The following CDH12 variants were observed in gnomAD, a reference collection of about 807,000 sequenced individuals.
The protein encoded by CDH12 is cadherin 12, also known as cadherin-12.
CDH12 carries 41 observed loss-of-function variants against 74.1 expected under a neutral mutation model. That is an observed-to-expected ratio of 0.55 (90% CI 0.43 to 0.72). The LOEUF (loss-of-function observed/expected upper bound fraction) is 0.72. Ranked by LOEUF, CDH12 falls within the 30% of genes least tolerant of loss-of-function variation. CDH12 has a pLI of 0.00. For missense variants in CDH12, 945 were observed against 977.2 expected (o/e 0.97, Z 0.44); for synonymous variants, 399 against 355.0 (o/e 1.12, Z -1.39).
intron 1 of CDH12, among the ~76,000 whole-genome samples, chr5:22,780,816 A>G (rs1244157406): frequency 6.6e-6 from 1 of 152,168 alleles, no homozygotes; most frequent in African/African-American, 2.4e-5. Context: ...ATATTTATTT[A>G]TGACTTTTAT....
chr5:22,296,666 C>G (rs1294349272), intron 3 of CDH12, among the ~76,000 whole-genome samples: 1 of 152,112 alleles, frequency 6.6e-6, no homozygotes, highest in African/African-American at 2.4e-5. Flanking sequence ...TTCAAATATA[C>G]ATGCTATCTA....
intron 6 of CDH12, among the ~76,000 whole-genome samples, chr5:21,950,708 TA>T (rs1174288165): frequency 4.0e-5 from 6 of 150,204 alleles, no homozygotes; most frequent in Non-Finnish European, 5.9e-5. Flanking sequence ...TAAAATAATT[TA>T]AAAATGCAAG....
chr5:22,423,084 G>A (rs930965958), intron 2 of CDH12, among the ~76,000 whole-genome samples: 1 of 151,674 alleles, frequency 6.6e-6, no homozygotes, highest in Non-Finnish European at 1.5e-5. Context: ...AGTAAAACTG[G>A]TTTTCTTCCC....
intron 6 of CDH12, chr5:21,883,868 T>A (rs537772855): frequency 6.2e-7 from 1 of 1,607,498 alleles, no homozygotes; most frequent in Non-Finnish European, 8.5e-7. Flanking sequence ...ATGCCCTTAA[T>A]GCTACAAGAG....
At chr5:22,727,514 G>T (rs940457340) in intron 1 of CDH12, among the ~76,000 whole-genome samples, 1 of 151,330 alleles carries the variant, frequency 6.6e-6, no homozygotes, top group Admixed American at 6.6e-5. Context: ...TGACATTGTT[G>T]TTTATATAGT....
intron 2 of CDH12, among the ~76,000 whole-genome samples, chr5:22,408,609 A>T (rs1743040361): frequency 6.7e-6 from 1 of 150,174 alleles, no homozygotes; most frequent in Admixed American, 6.7e-5. Flanking sequence ...CATTATATGT[A>T]ATTGTAAATT....
intron 7 of CDH12, among the ~76,000 whole-genome samples, chr5:21,844,262 G>A: frequency 6.6e-6 from 1 of 151,818 alleles, no homozygotes; most frequent in East Asian, 1.9e-4. Flanking sequence ...TCTTGAAAAA[G>A]TTCTTCTCCC....
intron 4 of CDH12, among the ~76,000 whole-genome samples, chr5:22,090,606 T>TACACACACAC (rs59054021): frequency 6.8e-5 from 10 of 147,574 alleles, no homozygotes; most frequent in African/African-American, 2.5e-4. Flanking sequence ...CATACATACA[T>TACACACACAC]ACACACACAC....
chr5:22,476,085 T>C (rs1380774748), intron 2 of CDH12, among the ~76,000 whole-genome samples: 3 of 152,096 alleles, frequency 2.0e-5, no homozygotes, highest in Non-Finnish European at 4.4e-5. Flanking sequence ...CTTTTCTGTT[T>C]TTATATGAAT....
intron 2 of CDH12, among the ~76,000 whole-genome samples, chr5:22,454,414 G>A (rs1368858183): frequency 6.6e-6 from 1 of 152,080 alleles, no homozygotes; most frequent in Non-Finnish European, 1.5e-5. Context: ...CCCTTACTTG[G>A]TATGTTTGTT....
chr5:22,559,665 C>T (rs962093325), intron 1 of CDH12, among the ~76,000 whole-genome samples: 5 of 152,026 alleles, frequency 3.3e-5, no homozygotes, highest in African/African-American at 9.7e-5. Context: ...TCTCTGAGTA[C>T]TTCTTCAAAT....
intron 1 of CDH12, among the ~76,000 whole-genome samples, chr5:22,842,294 T>C (rs1050125035): frequency 5.9e-5 from 9 of 152,054 alleles, no homozygotes; most frequent in Admixed American, 1.3e-4. Context: ...AAATTATATA[T>C]GCATAGACAG....
intron 8 of CDH12, among the ~76,000 whole-genome samples, chr5:21,832,937 T>TAG: frequency 1.5e-5 from 1 of 67,678 alleles, no homozygotes; most frequent in Non-Finnish European, 2.2e-5. Flanking sequence ...TCATATATTA[T>TAG]ATATAATATC....
chr5:22,333,963 T>C (rs1158713952), intron 3 of CDH12, among the ~76,000 whole-genome samples: 1 of 152,152 alleles, frequency 6.6e-6, no homozygotes. Flanking sequence ...AAATTGAGTA[T>C]AGAAGGAACA....
chr5:22,713,399 C>G (rs1445819866), intron 1 of CDH12, among the ~76,000 whole-genome samples: 1 of 151,900 alleles, frequency 6.6e-6, no homozygotes. Flanking sequence ...CCTTGGCCTC[C>G]GAAACTGCTG....
At chr5:22,689,886 T>C (rs1741992634) in intron 1 of CDH12, among the ~76,000 whole-genome samples, 1 of 152,068 alleles carries the variant, frequency 6.6e-6, no homozygotes, top group East Asian at 1.9e-4. Context: ...AAAATTTATT[T>C]TGTGAAATTC....
chr5:22,501,073 A>G (rs1014117469), intron 2 of CDH12, among the ~76,000 whole-genome samples: 1 of 152,142 alleles, frequency 6.6e-6, no homozygotes, highest in African/African-American at 2.4e-5. Flanking sequence ...AGGTAGCTTT[A>G]AAGGCAGAAA....
chr5:22,625,614 C>G (rs570240128), intron 1 of CDH12, among the ~76,000 whole-genome samples: 1 of 152,308 alleles, frequency 6.6e-6, no homozygotes, highest in African/African-American at 2.4e-5. Context: ...AGTGTTAGAC[C>G]TGGACAGAGC....
chr5:22,704,820 C>T (rs538041230), intron 1 of CDH12, among the ~76,000 whole-genome samples: 1 of 151,900 alleles, frequency 6.6e-6, no homozygotes, highest in South Asian at 2.1e-4. Context: ...TTTTTGGAAA[C>T]TTGAATTGTT....
Sources: gnomAD v4.1 joint callset for allele counts (sites outside exome capture counted in the v4.1 genomes callset) on GRCh38, gnomAD v4.1.1 for gene constraint, MANE v1.5 for transcripts, NCBI Gene and HGNC (gene_info 2026-07-23, HGNC 2026-07-21) for gene names.